Variants in TEX29 observed in about 807,000 individuals in gnomAD.
TEX29 encodes the protein testis expressed 29, also known as testis-expressed protein 29.
Under a neutral mutation model 18.2 loss-of-function variants are expected in TEX29, and 26 were observed. That is an observed-to-expected ratio of 1.43 (90% CI 1.04 to 1.98). The LOEUF is 1.98. Among genes scored for constraint, TEX29 ranks in the 30% most tolerant of loss-of-function variants. The probability of loss-of-function intolerance (pLI) is 0.00; values close to 1 mark genes in which losing one functional copy is unlikely to be tolerated. For synonymous variants in TEX29, 83 were observed against 78.5 expected (o/e 1.06, Z -0.31); for missense variants, 177 against 194.2 (o/e 0.91, Z 0.53).
At chr13:111,331,990 T>C (rs2093683453) in intron 3 of TEX29, among the ~76,000 whole-genome samples, 1 of 152,236 alleles carries the variant, frequency 6.6e-6, no homozygotes, top group South Asian at 2.1e-4. Flanking sequence ...GTGTGAGTGC[T>C]TCAACTTTGT....
intron 3 of TEX29, 140 bp from the exon 4 acceptor site, chr13:111,339,723 G>A: frequency 1.4e-6 from 1 of 731,662 alleles, no homozygotes. Flanking sequence ...AGACGCTGGG[G>A]AGGGTGGGTG....
upstream of TEX29, among the ~76,000 whole-genome samples, chr13:111,317,936 G>A (rs921342635): frequency 1.3e-5 from 2 of 152,164 alleles, no homozygotes; most frequent in East Asian, 1.9e-4. Flanking sequence ...ATAGGACACC[G>A]GTCCTATTGG....
chr13:111,331,921 C>T (rs1224670075), intron 3 of TEX29, among the ~76,000 whole-genome samples: 2 of 152,152 alleles, frequency 1.3e-5, no homozygotes, highest in Non-Finnish European at 2.9e-5. Context: ...TATGTCTATC[C>T]TTAGCCGGTG....
upstream of TEX29, chr13:111,316,333 C>T (rs7991693): frequency 0.44 from 199,471 of 453,658 alleles, 46,309 homozygotes; most frequent in East Asian, 0.74. Flanking sequence ...GGCATGCACA[C>T]GCCTCCCGCC....
At chr13:111,319,882 C>G (rs2093661001), upstream of TEX29, among the ~76,000 whole-genome samples, 1 of 152,254 alleles carries the variant, frequency 6.6e-6, no homozygotes, top group South Asian at 2.1e-4. Flanking sequence ...TTCCTGCTCA[C>G]AAACCTCCCG....
intron 3 of TEX29, among the ~76,000 whole-genome samples, chr13:111,328,956 G>A (rs1221848311): frequency 1.3e-5 from 2 of 152,212 alleles, no homozygotes; most frequent in East Asian, 1.9e-4. Flanking sequence ...AAATGTGTTC[G>A]AAGGGAGGTG....
chr13:111,338,134 G>C (rs1165744453), intron 3 of TEX29, among the ~76,000 whole-genome samples: 1 of 152,142 alleles, frequency 6.6e-6, no homozygotes, highest in Non-Finnish European at 1.5e-5. Context: ...TTGCTTCTGG[G>C]GTGGGTTGAA....
At chr13:111,316,534 T>A (rs1300342845), upstream of TEX29, among the ~76,000 whole-genome samples, 1 of 152,196 alleles carries the variant, frequency 6.6e-6, no homozygotes, top group Non-Finnish European at 1.5e-5. Flanking sequence ...TTCCAGACAT[T>A]GCTGGAATTC....
upstream of TEX29, among the ~76,000 whole-genome samples, chr13:111,320,347 CAAAG>C (rs548159880): frequency 5.5e-4 from 84 of 152,300 alleles, no homozygotes; most frequent in Non-Finnish European, 9.9e-4. Flanking sequence ...GACCGGGACA[CAAAG>C]GAAGGGAGGG....
intron 3 of TEX29, among the ~76,000 whole-genome samples, chr13:111,337,020 T>C (rs2153641956): frequency 6.6e-6 from 1 of 152,364 alleles, no homozygotes; most frequent in Middle Eastern, 3.4e-3. Context: ...AAATTCATAC[T>C]AAGGAATAAA....
At chr13:111,342,691 G>C (rs2093698478) in intron 4 of TEX29, 65 bp from the exon 5 acceptor site, 3 of 1,525,494 alleles carry the variant, frequency 2.0e-6, no homozygotes, top group South Asian at 2.5e-5. Flanking sequence ...GTGGGTGGGA[G>C]GGAGGAACTG....
At chr13:111,331,327 T>G (rs2093682427) in intron 3 of TEX29, among the ~76,000 whole-genome samples, 1 of 151,870 alleles carries the variant, frequency 6.6e-6, no homozygotes, top group Admixed American at 6.6e-5. Context: ...TTTTTTTTTT[T>G]TTTTTTTTTG....
chr13:111,330,629 T>A (rs2093681245), intron 3 of TEX29, among the ~76,000 whole-genome samples: 1 of 152,234 alleles, frequency 6.6e-6, no homozygotes, highest in Non-Finnish European at 1.5e-5. Flanking sequence ...TACAATTCAG[T>A]GGCTTTTAGT....
chr13:111,320,672 T>G lies in TEX29; in HGVS notation c.-125T>G. ...GAGCGGCAGACAGAGGGGTGGCCAG[T>G]TTGTTGTTTTACCTAAAAGGTGTTT... On this transcript the variant is annotated 5_prime_UTR_variant, in exon 1 of 6. Transcript: ENST00000283547. 6.6e-5 allele frequency: 38 copies of G among 574,342 alleles called. No individual in the cohort carries two copies. Among genetic ancestry groups the G allele is most frequent in the Non-Finnish European group, 8.5e-5 (27 of 316,804 alleles). 35.6% of individuals were successfully genotyped at this position (574,342 alleles called of 1,614,324 possible). A position where few individuals can be genotyped will look rare whatever the true frequency, so the allele number is the denominator to read the frequency against.
upstream of TEX29, among the ~76,000 whole-genome samples, chr13:111,317,886 G>A (rs951643159): frequency 3.9e-5 from 6 of 152,166 alleles, no homozygotes; most frequent in Admixed American, 2.6e-4. Context: ...CTCTGCGCCT[G>A]CACTTGACAC....
upstream of TEX29, among the ~76,000 whole-genome samples, chr13:111,316,934 A>G (rs190518110): frequency 1.3e-5 from 2 of 152,242 alleles, no homozygotes; most frequent in East Asian, 3.9e-4. Flanking sequence ...AAGGTAAGGA[A>G]GTGCCACACT....
At chr13:111,324,901 C>T (rs567577544) in intron 2 of TEX29, among the ~76,000 whole-genome samples, 31 of 152,288 alleles carry the variant, frequency 2.0e-4, no homozygotes, top group African/African-American at 5.1e-4. Flanking sequence ...ACCGTGCTGG[C>T]GTGGGCGTGT....
intron 2 of TEX29, among the ~76,000 whole-genome samples, chr13:111,324,883 C>T (rs549252484): frequency 2.6e-5 from 4 of 152,264 alleles, no homozygotes; most frequent in Admixed American, 2.0e-4. Flanking sequence ...AATAACGGAA[C>T]GTTTACCACC....
intron 1 of TEX29, 46 bp from the exon 2 acceptor site, chr13:111,320,810 AC>A: frequency 6.3e-7 from 1 of 1,586,682 alleles, no homozygotes; most frequent in Admixed American, 1.7e-5. Context: ...CGCTCCCCAA[AC>A]GACGTCCCCA....
Sources: allele counts gnomAD v4.1 joint callset (sites outside exome capture counted in the v4.1 genomes callset), GRCh38; gene constraint gnomAD v4.1.1; transcripts MANE v1.5; gene names NCBI Gene and HGNC (gene_info 2026-07-23, HGNC 2026-07-21).